INO80C: variants seen among roughly 807,000 people sequenced by gnomAD.
INO80C encodes INO80 complex subunit C.
In INO80C, 17 loss-of-function variants were observed where a neutral mutation model predicts 17.7. The observed-to-expected ratio is 0.96, with a 90% CI of 0.66 to 1.44. INO80C has a LOEUF of 1.44. Among genes scored for constraint, INO80C ranks in the 40% most tolerant of loss-of-function variants. The probability of loss-of-function intolerance (pLI) is 0.00; values close to 1 mark genes in which losing one functional copy is unlikely to be tolerated. For missense variants in INO80C, 244 were observed against 245.0 expected (o/e 1.00, Z 0.03); for synonymous variants, 96 against 95.8 (o/e 1.00, Z -0.01).
intron 1 of INO80C, among the ~76,000 whole-genome samples, chr18:35,495,834 A>T (rs985785603): frequency 6.6e-5 from 10 of 152,172 alleles, no homozygotes; most frequent in African/African-American, 1.7e-4. Context: ...ATTTTTTTTT[A>T]AAAGCCAATT....
chr18:35,497,743 T>G lies in INO80C; in HGVS notation c.132A>C (p.Lys44Asn), dbSNP rs1005402521. The G allele has an allele frequency of 1.9e-6, 3 of 1,612,610 alleles. No homozygotes were observed. Among genetic ancestry groups the G allele is most frequent in the Admixed American group, 1.7e-5 (1 of 59,916 alleles). ...GGGYGASKKK[K>N]ASASSFAQGI... ...CCTGCGCAAAGCTGGAAGCGGACGC[T>G]TTTTTCTTCTTACTGGCGCCATAGC... The change falls in exon 1 of 5, where the codon AAA becomes AAC. Residue 44 changes from lysine (K) to asparagine (N), a missense_variant. Physicochemically the swap from Lys to Asn is moderately conservative, Grantham distance 94 (BLOSUM62 0). Transcript: ENST00000334598.
intron 1 of INO80C, among the ~76,000 whole-genome samples, chr18:35,486,358 G>C (rs1398268072): frequency 6.6e-6 from 1 of 152,178 alleles, no homozygotes; most frequent in Non-Finnish European, 1.5e-5. Flanking sequence ...TGGCAGAACA[G>C]GGGAATGGAA....
chr18:35,497,771 C>T lies in INO80C; in HGVS notation c.104G>A (p.Gly35Glu), dbSNP rs954852442. 6.2e-7 allele frequency: 1 copy of T among 1,613,084 alleles called. No homozygotes were observed. The highest frequency in any genetic ancestry group is 8.5e-7 in the Non-Finnish European group (1 of 1,179,604). Residue 35 changes from glycine (G) to glutamate (E), a missense_variant, in exon 1 of 5, where the codon GGG becomes GAG. Coordinates refer to ENST00000334598, the MANE Select transcript of INO80C (RefSeq NM_194281.4). ...ASPSHNGSSG[G>E]GYGASKKKKA... ...TTTCTTCTTACTGGCGCCATAGCCCCCGCCGCTGCTGCCATTGTGGGAAGG... is the reference window on the plus strand; with the variant it reads ...TTTCTTCTTACTGGCGCCATAGCCCTCGCCGCTGCTGCCATTGTGGGAAGG...
chr18:35,482,824 T>G (rs1015441294), intron 1 of INO80C, among the ~76,000 whole-genome samples: 2 of 152,176 alleles, frequency 1.3e-5, no homozygotes, highest in Non-Finnish European at 2.9e-5. Context: ...CTGAGCTATA[T>G]AATTCAGAGG....
intron 1 of INO80C, chr18:35,497,503 T>G: frequency 2.2e-6 from 3 of 1,365,910 alleles, no homozygotes; most frequent in Non-Finnish European, 2.8e-6. Context: ...ATAACCTCCC[T>G]ACTTCTTCTT....
At chr18:35,482,185 A>C (rs887315204) in intron 1 of INO80C, among the ~76,000 whole-genome samples, 2 of 152,134 alleles carry the variant, frequency 1.3e-5, no homozygotes, top group Non-Finnish European at 2.9e-5. Flanking sequence ...CAAAGGTTGC[A>C]TGCACCCTTC....
At chr18:35,479,957 C>T (rs2045785657) in intron 2 of INO80C, among the ~76,000 whole-genome samples, 1 of 150,926 alleles carries the variant, frequency 6.6e-6, no homozygotes, top group Non-Finnish European at 1.5e-5. Context: ...GTTGCAAACA[C>T]TGGTAATATT....
chr18:35,495,294 C>T (rs2045970165), intron 1 of INO80C, among the ~76,000 whole-genome samples: 1 of 152,112 alleles, frequency 6.6e-6, no homozygotes. Context: ...ATGCACCTGT[C>T]GTCCCAGCTA....
intron 1 of INO80C, among the ~76,000 whole-genome samples, chr18:35,481,665 C>G (rs1213084947): frequency 1.3e-5 from 2 of 152,190 alleles, no homozygotes; most frequent in Non-Finnish European, 2.9e-5. Flanking sequence ...GGTTGGATCA[C>G]TTGAGGTCAG....
At chr18:35,497,284 G>C in intron 1 of INO80C, 3 of 966,800 alleles carry the variant, frequency 3.1e-6, no homozygotes, top group Non-Finnish European at 3.7e-6. Context: ...CTCAGGATGA[G>C]AGAAAGCATA....
At chr18:35,479,016 G>A in intron 3 of INO80C, 1 of 268,042 alleles carries the variant, frequency 3.7e-6, no homozygotes, top group Non-Finnish European at 7.0e-6. Context: ...TTTAAGAGTA[G>A]ACTTTTGAAT....
rs142636798 is a variant in INO80C at position 35,479,570 on chromosome 18, A to AT, written c.268-160dup. On this transcript the variant is annotated intron_variant, in intron 2 of 4. Coordinates refer to ENST00000334598, the MANE Select transcript of INO80C (RefSeq NM_194281.4). ...TTTTAAAAGGTATTTCACTGTACAC[A>AT]TTAACATGTTAATCTTAGTTTAAAA... Among the ~76,000 whole-genome samples, 784 of 152,290 alleles carry AT rather than the reference A, an allele frequency of 5.1e-3. 5 individuals carry two copies. The highest frequency in any genetic ancestry group is 0.018 in the African/African-American group (764 of 41,548).
intron 1 of INO80C, among the ~76,000 whole-genome samples, chr18:35,494,606 G>T (rs748861991): frequency 6.6e-6 from 1 of 152,178 alleles, no homozygotes; most frequent in East Asian, 1.9e-4. Context: ...CAGTCCTGCC[G>T]CCCCAAAAGA....
chr18:35,474,193 ATG>A (rs1228423728), intron 4 of INO80C, among the ~76,000 whole-genome samples: 16 of 106,514 alleles, frequency 1.5e-4, no homozygotes, highest in African/African-American at 4.3e-4. Flanking sequence ...ATATGTGTAT[ATG>A]TGTGTGTGTG....
intron 1 of INO80C, among the ~76,000 whole-genome samples, chr18:35,484,352 G>T (rs372589423): frequency 2.6e-5 from 4 of 152,240 alleles, no homozygotes. Context: ...GGTAGTGCAG[G>T]TATACACACA....
intron 1 of INO80C, among the ~76,000 whole-genome samples, chr18:35,486,147 A>G (rs2045871818): frequency 1.3e-5 from 2 of 152,234 alleles, no homozygotes; most frequent in Admixed American, 6.5e-5. Context: ...CACAAAATGT[A>G]GTATGTCCAT....
intron 1 of INO80C, among the ~76,000 whole-genome samples, chr18:35,496,320 C>G (rs2045980762): frequency 6.6e-6 from 1 of 152,162 alleles, no homozygotes; most frequent in Admixed American, 6.5e-5. Flanking sequence ...AACATTGTCT[C>G]AAAAAGGAAC....
chr18:35,481,614 T>C (rs916405330), intron 1 of INO80C, among the ~76,000 whole-genome samples: 1 of 152,242 alleles, frequency 6.6e-6, no homozygotes, highest in African/African-American at 2.4e-5. Flanking sequence ...CCAGGCATGG[T>C]GGCTCACACC....
intron 4 of INO80C, among the ~76,000 whole-genome samples, chr18:35,475,963 TA>T (rs1192922551): frequency 6.6e-6 from 1 of 152,046 alleles, no homozygotes; most frequent in Admixed American, 6.5e-5. Context: ...TATGTAAAAG[TA>T]AACTATATGA....
Sources: allele counts gnomAD v4.1 joint callset (sites outside exome capture counted in the v4.1 genomes callset), GRCh38; gene constraint gnomAD v4.1.1; transcripts MANE v1.5; gene names NCBI Gene and HGNC (gene_info 2026-07-23, HGNC 2026-07-21).